The following ZNF433 variants were observed in gnomAD, a reference collection of about 807,000 sequenced individuals.
The protein encoded by ZNF433 is zinc finger protein 433.
A neutral mutation model predicts 10.6 loss-of-function variants in ZNF433; 12 were observed. The observed-to-expected ratio is 1.13, with a 90% CI of 0.72 to 1.83. The LOEUF (loss-of-function observed/expected upper bound fraction) is 1.83, where lower values mean the gene tolerates loss of function less well. ZNF433 is among the 40% of genes most tolerant of loss of function. The pLI is 0.00. For synonymous variants in ZNF433, 272 were observed against 271.3 expected, an observed-to-expected ratio of 1.00 and a Z score of -0.02; for missense variants, 737 against 798.0, an observed-to-expected ratio of 0.92 and a Z score of 0.92.
intron 1 of ZNF433, among the ~76,000 whole-genome samples, chr19:12,032,396 C>A (rs1975077357): frequency 6.6e-6 from 1 of 151,740 alleles, no homozygotes; most frequent in Non-Finnish European, 1.5e-5. Context: ...AAATCACCCA[C>A]AACAAAAGGA....
chr19:12,031,799 T>C (rs948149157), intron 1 of ZNF433, among the ~76,000 whole-genome samples: 7 of 151,568 alleles, frequency 4.6e-5, no homozygotes, highest in Non-Finnish European at 7.4e-5. Context: ...CTCACGATGA[T>C]TGCTTGAGCC....
At chr19:12,019,934 A>C (rs1974401717) in intron 1 of ZNF433, among the ~76,000 whole-genome samples, 1 of 146,494 alleles carries the variant, frequency 6.8e-6, no homozygotes, top group East Asian at 1.9e-4. Flanking sequence ...ATTAAAAATA[A>C]TAAATCACAG....
intron 3 of ZNF433, 46 bp from the exon 4 acceptor site, chr19:12,016,712 A>G (rs777140665): frequency 6.3e-7 from 1 of 1,575,384 alleles, no homozygotes; most frequent in South Asian, 1.2e-5. Flanking sequence ...ATTATCAGTG[A>G]TTTTATATTC....
intron 1 of ZNF433, among the ~76,000 whole-genome samples, chr19:12,019,708 T>C (rs1339703770): frequency 7.9e-5 from 12 of 152,222 alleles, no homozygotes; most frequent in Admixed American, 7.9e-4. Flanking sequence ...AATGAAAATA[T>C]GCTAGGCATA....
Position 12,027,091 on chromosome 19 carries a change from T to G in ZNF433, c.3+8446A>C, listed in dbSNP as rs1273490696. 3 of 450,466 alleles carry G rather than the reference T, an allele frequency of 6.7e-6. No individual in the cohort carries two copies. In the Admixed American group the frequency reaches 7.2e-5, roughly 11 times the overall value. 27.9% of individuals were successfully genotyped at this position (450,466 alleles called of 1,614,324 possible). On this transcript the variant is annotated intron_variant, in intron 1 of 3. Coordinates refer to ENST00000550507, the MANE Select transcript of ZNF433 (RefSeq NM_001308348.2). Reference sequence around the variant, plus strand: ...TTGCAAAATTAAAAGAACAAATATTTAAAGCATCCCAGGCACACCTGACCT... The same window carrying G: ...TTGCAAAATTAAAAGAACAAATATTGAAAGCATCCCAGGCACACCTGACCT...
rs746511641 is a variant in ZNF433, at chr19:12,014,880, C to T, written c.1978G>A (p.Val660Met). The T allele has an allele frequency of 6.2e-7, 1 of 1,606,768 alleles. No individual in the cohort carries two copies. Among genetic ancestry groups the T allele is most frequent in the Non-Finnish European group, 8.5e-7 (1 of 1,175,922 alleles). Residue 660 changes from valine to methionine, a missense_variant, in exon 4 of 4, where the codon GTG (valine) becomes ATG (methionine). Physicochemically the swap from Val to Met is conservative, Grantham distance 21 (BLOSUM62 1). Coordinates refer to ENST00000550507, the MANE Select transcript of ZNF433 (RefSeq NM_001308348.2). ...KVFRCSSQLQ[V>M]HGRAHCIDTP ...TCTATGCAGTGAGCCCTTCCATGCA[C>T]TTGAAGTTGTGAAGAACATCTAAAG...
At position 12,035,635 on chromosome 19, in the gene ZNF433, G is replaced by GC; in HGVS notation, c.-97dup. 1 of 1,504,150 alleles carries GC rather than the reference G, an allele frequency of 6.6e-7. No individual in the cohort carries two copies. Among genetic ancestry groups the GC allele is most frequent in the Admixed American group, 2.1e-5 (1 of 47,458 alleles). 93.2% of individuals were successfully genotyped at this position (1,504,150 alleles called of 1,614,324 possible). On this transcript the variant is annotated 5_prime_UTR_variant, in exon 1 of 4. Coordinates refer to ENST00000550507, the MANE Select transcript of ZNF433 (RefSeq NM_001308348.2). The stretch of plus-strand genomic sequence containing the variant: ...CACCTGAACCCTCTCGGAGGGGAAA[G>GC]CCAGGCTCCCAACCTCAGCTCGCCG...
chr19:12,027,052 T>C (rs778701816), intron 1 of ZNF433: 11 of 448,466 alleles, frequency 2.5e-5, no homozygotes, highest in Non-Finnish European at 4.9e-5. Flanking sequence ...AAGGACACTC[T>C]AGAAACTTGG....
At chr19:12,018,546 T>C (rs978363165) in intron 1 of ZNF433, 7 of 308,364 alleles carry the variant, frequency 2.3e-5, no homozygotes, top group Non-Finnish European at 3.5e-5. Context: ...GTGTGCTGCC[T>C]GGGCTGCCCC....
At chr19:12,032,404 G>C (rs1044901115) in intron 1 of ZNF433, among the ~76,000 whole-genome samples, 4 of 151,614 alleles carry the variant, frequency 2.6e-5, no homozygotes, top group Non-Finnish European at 4.4e-5. Flanking sequence ...CACAACAAAA[G>C]GATACACCTG....
intron 1 of ZNF433, among the ~76,000 whole-genome samples, chr19:12,033,054 C>A (rs1289357562): frequency 6.6e-6 from 1 of 151,964 alleles, no homozygotes; most frequent in Admixed American, 6.6e-5. Context: ...TCCAACAACA[C>A]TGCACTGTGC....
chr19:12,015,267 A>T lies in ZNF433; in HGVS notation c.1591T>A (p.Tyr531Asn), dbSNP rs753292936. 1.9e-6 allele frequency: 3 copies of T among 1,613,964 alleles called. No individual in the cohort carries two copies. Among genetic ancestry groups the T allele is most frequent in the Non-Finnish European group, 2.5e-6 (3 of 1,179,992 alleles). The change falls in exon 4 of 4, where the codon TAT (tyrosine) becomes AAT (asparagine). Residue 531 changes from tyrosine (Y) to asparagine (N), a missense_variant. Tyr to Asn is a moderately radical substitution (Grantham distance 143). Coordinates refer to ENST00000550507, the MANE Select transcript of ZNF433 (RefSeq NM_001308348.2). ...HGRTHTGEKP[Y>N]ECKQCGKAFR... ...GCTTTTCCACATTGCTTGCATTCAT[A>T]GGGTTTCTCTCCAGTGTGAGTCCTT...
intron 1 of ZNF433, chr19:12,034,721 A>G: frequency 2.3e-6 from 1 of 436,384 alleles, no homozygotes. Context: ...GAAGTTTTAG[A>G]CAAAGCTTCA....
At position 12,016,470 on chromosome 19, in the gene ZNF433, CA is replaced by C. The variant is rs1974206757; in HGVS notation, c.387del (p.Tyr129Ter). The C allele has an allele frequency of 3.7e-6, 6 of 1,614,026 alleles. No individual in the cohort carries two copies. The highest frequency in any genetic ancestry group is 5.1e-6 in the Non-Finnish European group (6 of 1,180,022). ...GGTTTCTGTCCATATTCTTGATACTCATATGCCTTGTGTCCAGTGTCATCTC... is the reference window on the plus strand; with the variant it reads ...GGTTTCTGTCCATATTCTTGATACTCTATGCCTTGTGTCCAGTGTCATCTC... ...HIRDDTGHKA[Y>X]EYQEYGQKPY... On this transcript the variant is annotated frameshift_variant, in exon 4 of 4. Coordinates refer to ENST00000550507, the MANE Select transcript of ZNF433 (RefSeq NM_001308348.2). LOFTEE classifies it low-confidence loss of function (END_TRUNC).
chr19:12,024,698 A>AT (rs1345308767), intron 1 of ZNF433: 1 of 152,196 alleles, frequency 6.6e-6, no homozygotes, highest in Non-Finnish European at 1.5e-5. Context: ...AGATTTGCTA[A>AT]TTTTTTCAAC....
intron 1 of ZNF433, 51 bp downstream of exon 1, chr19:12,035,486 G>A: frequency 7.1e-6 from 11 of 1,557,174 alleles, no homozygotes; most frequent in Non-Finnish European, 9.6e-6. Flanking sequence ...GGTTCCGGCC[G>A]GTTCCAACCA....
chr19:12,014,813 G>GT lies in ZNF433; in HGVS notation c.*31dup. On this transcript the variant is annotated 3_prime_UTR_variant, in exon 4 of 4. Coordinates refer to ENST00000550507, the MANE Select transcript of ZNF433 (RefSeq NM_001308348.2). ...GGTCTTGAACTCCTGGGCTTAAGCA[G>GT]TCCCCCCACCTCAGCCTCCTAAAGC... 6.7e-7 allele frequency: 1 copy of GT among 1,484,816 alleles called. No homozygotes were observed. The allele number at this position is 1,484,816 out of a possible 1,614,324, so 92.0% of individuals were successfully genotyped here.
In ZNF433 at chr19:12,035,533, T is replaced by C. The variant is rs942411742; in HGVS notation, c.3+4A>G. On this transcript the variant is annotated splice_donor_region_variant and intron_variant, in intron 1 of 3. Coordinates refer to ENST00000550507, the MANE Select transcript of ZNF433 (RefSeq NM_001308348.2). ...GCCTCGGGACCCCTGGCCCGCACGC[T>C]CACCATTTCTTGCCTTTCAGGTGAC... 3 of 1,573,274 alleles carry C rather than the reference T, an allele frequency of 1.9e-6. No homozygotes were observed. The highest frequency in any genetic ancestry group is 3.7e-5 in the Admixed American group (2 of 54,104).
chr19:12,027,899 A>G (rs1974816374), intron 1 of ZNF433: 2 of 152,090 alleles, frequency 1.3e-5, no homozygotes, highest in South Asian at 4.1e-4. Context: ...TTCTCTTGCA[A>G]TTTCTGTTTT....
Sources: gnomAD v4.1 joint callset for allele counts (sites outside exome capture counted in the v4.1 genomes callset) on GRCh38, gnomAD v4.1.1 for gene constraint, MANE v1.5 for transcripts, NCBI Gene and HGNC (gene_info 2026-07-23, HGNC 2026-07-21) for gene names.